AFF4: variants seen among roughly 807,000 people sequenced by gnomAD.
AFF4 encodes the protein AF4/FMR2 family member 4.
Under a neutral mutation model 124.8 loss-of-function variants are expected in AFF4, and 13 were observed. That is an observed-to-expected ratio of 0.10 (90% CI 0.07 to 0.17). The LOEUF is 0.17. Among genes scored for constraint, AFF4 ranks in the 10% least tolerant of loss-of-function variants. The pLI, the probability that AFF4 is intolerant of heterozygous loss-of-function variation, is 1.00. For synonymous variants in AFF4, 477 were observed against 496.1 expected, an observed-to-expected ratio of 0.96 and a Z score of 0.51; for missense variants, 1,092 against 1,403.8, an observed-to-expected ratio of 0.78 and a Z score of 3.55.
intron 5 of AFF4, among the ~76,000 whole-genome samples, chr5:132,919,717 G>C (rs946397817): frequency 6.6e-6 from 1 of 152,094 alleles, no homozygotes; most frequent in African/African-American, 2.4e-5. Context: ...GGGTGTGGTG[G>C]CATGCACTTG....
chr5:132,943,145 CTGG>C (rs1761614006), intron 1 of AFF4: 1 of 173,038 alleles, frequency 5.8e-6, no homozygotes, highest in Non-Finnish European at 1.3e-5. Context: ...ATTGTTGCAG[CTGG>C]TGAATTTGAA....
intron 11 of AFF4, among the ~76,000 whole-genome samples, chr5:132,895,471 A>C (rs1350973175): frequency 5.9e-5 from 9 of 152,182 alleles, no homozygotes; most frequent in Non-Finnish European, 1.5e-5. Flanking sequence ...TTGTGTTCTA[A>C]GTTTACTTAC....
rs530630775 is a variant in AFF4, at chr5:132,934,711, A to G, written c.354T>C (p.Ser118=). ...AGCCTGAGGACCGTTTCTGAGACTG[A>G]GAAGTGCTGGGTGCGGGTCCTACTG... The part of the protein sequence containing the change: ...WTPVGPAPST[S]QSQKRSSGLQ... The change falls in exon 3 of 21, where the codon TCT becomes TCC. Residue 118 remains serine, a synonymous_variant. Coordinates refer to ENST00000265343, the MANE Select transcript of AFF4 (RefSeq NM_014423.4). The G allele has an allele frequency of 1.2e-6, 2 of 1,614,078 alleles. No individual in the cohort carries two copies. The highest frequency in any genetic ancestry group is 3.3e-5 in the Admixed American group (2 of 60,018).
intron 5 of AFF4, chr5:132,926,277 G>A: frequency 2.3e-6 from 1 of 440,282 alleles, no homozygotes; most frequent in South Asian, 1.8e-5. Context: ...ATTATTAGGG[G>A]GACTGGTAAA....
In AFF4 at chr5:132,962,851, G is replaced by A. The variant is rs568267239; in HGVS notation, c.-5+408C>T. Among the ~76,000 whole-genome samples the A allele has an allele frequency of 4.2e-4, 63 of 150,772 alleles. 1 individual carries two copies. Among genetic ancestry groups the A allele is most frequent in the Non-Finnish European group, 5.6e-4 (38 of 67,730 alleles). ...GGTGGGGGTGTGGGAGAGGTGCGCA[G>A]GATCGCGAGAAGGAAAGCGAGAACT... On this transcript the variant is annotated intron_variant, in intron 1 of 20. Transcript: ENST00000265343.
chr5:132,923,985 G>A (rs1442348421), intron 5 of AFF4, among the ~76,000 whole-genome samples: 7 of 152,224 alleles, frequency 4.6e-5, no homozygotes, highest in Admixed American at 3.9e-4. Context: ...GCCAGGCGTG[G>A]TGGCTCACGC....
At chr5:132,940,899 T>G (rs905373178) in intron 1 of AFF4, among the ~76,000 whole-genome samples, 1 of 151,714 alleles carries the variant, frequency 6.6e-6, no homozygotes, top group African/African-American at 2.4e-5. Context: ...TGGTGGCAGG[T>G]GCCTGTAATC....
intron 20 of AFF4, 22 bp downstream of exon 20, chr5:132,883,318 G>T: frequency 6.2e-7 from 1 of 1,607,222 alleles, no homozygotes; most frequent in Non-Finnish European, 8.5e-7. Context: ...ATCCCTTGAA[G>T]TTTATCCAGA....
At chr5:132,908,919 T>C (rs1459169945) in intron 5 of AFF4, among the ~76,000 whole-genome samples, 1 of 150,996 alleles carries the variant, frequency 6.6e-6, no homozygotes, top group East Asian at 1.9e-4. Context: ...TACAGGCACC[T>C]GCCACCACGC....
intron 1 of AFF4, among the ~76,000 whole-genome samples, chr5:132,958,834 TCC>T (rs1234834895): frequency 4.6e-5 from 7 of 152,084 alleles, no homozygotes; most frequent in African/African-American, 1.7e-4. Flanking sequence ...CCAAAGCAAC[TCC>T]AGGCAGCCCT....
At chr5:132,963,223 G>T in intron 1 of AFF4, 36 bp downstream of exon 1, 1 of 389,016 alleles carries the variant, frequency 2.6e-6, no homozygotes, top group Non-Finnish European at 4.5e-6. Context: ...CCCGCGGCCC[G>T]GCCCGGCCCT....
intron 1 of AFF4, among the ~76,000 whole-genome samples, chr5:132,946,744 G>T (rs1761705667): frequency 6.6e-6 from 1 of 152,132 alleles, no homozygotes. Context: ...TGTACTTAAT[G>T]CCACTGAATT....
chr5:132,945,984 C>A (rs541310084), intron 1 of AFF4, among the ~76,000 whole-genome samples: 1 of 151,652 alleles, frequency 6.6e-6, no homozygotes, highest in Non-Finnish European at 1.5e-5. Flanking sequence ...TGCTTGAACC[C>A]GGGACGCGGA....
chr5:132,907,192 C>T (rs189013403), intron 5 of AFF4, among the ~76,000 whole-genome samples: 36 of 152,256 alleles, frequency 2.4e-4, no homozygotes, highest in African/African-American at 8.7e-4. Flanking sequence ...CTACAATGGC[C>T]TTCTAATGGA....
chr5:132,934,445 T>C lies in AFF4; in HGVS notation c.620A>G (p.His207Arg), dbSNP rs1761375588. The C allele has an allele frequency of 6.2e-7, 1 of 1,614,200 alleles. No homozygotes were observed. Among genetic ancestry groups the C allele is most frequent in the Non-Finnish European group, 8.5e-7 (1 of 1,180,038 alleles). ...SHGNDHHSKE[H>R]QRSKSPRDPD... Reference sequence around the variant, plus strand: ...GTCCCGAGGTGATTTGGAGCGTTGATGTTCCTTGCTATGGTGATCATTCCC... The same window carrying C: ...GTCCCGAGGTGATTTGGAGCGTTGACGTTCCTTGCTATGGTGATCATTCCC... Residue 207 changes from histidine (H) to arginine (R), a missense_variant, in exon 3 of 21, where the codon CAT (histidine) becomes CGT (arginine). His to Arg is a conservative substitution (Grantham distance 29). Transcript: ENST00000265343.
rs62385346 is a variant in AFF4, at chr5:132,939,004, G to A, written c.-4-1811C>T. 6.2e-3 allele frequency among the ~76,000 whole-genome samples: 829 copies of A among 133,248 alleles called. 3 individuals are homozygous for A. Among genetic ancestry groups the A allele is most frequent in the Non-Finnish European group, 8.9e-3 (573 of 64,372 alleles). 87.4% of individuals were successfully genotyped at this position (133,248 alleles called of 152,430 possible). On this transcript the variant is annotated intron_variant, in intron 1 of 20. Transcript: ENST00000265343. Reference sequence around the variant, plus strand: ...AGAAAAAAAAAAAAAAAAGGGACCCGAGGTGGGAGGATCGCTTGACCTGCC... The same window carrying A: ...AGAAAAAAAAAAAAAAAAGGGACCCAAGGTGGGAGGATCGCTTGACCTGCC...
Position 132,886,000 on chromosome 5 carries a change from T to C in AFF4, c.3099+310A>G, listed in dbSNP as rs547023724. Among the ~76,000 whole-genome samples, 3 of 152,168 alleles carry C rather than the reference T, an allele frequency of 2.0e-5. No individual in the cohort carries two copies. The South Asian group carries it at 6.2e-4, about 32-fold the overall frequency. ...TGTTGGCCAAGATGGTCTCAATCTC[T>C]TGACCTCGTGATCTGCCTGCCTCAG... On this transcript the variant is annotated intron_variant, in intron 18 of 20. Coordinates refer to ENST00000265343, the MANE Select transcript of AFF4 (RefSeq NM_014423.4).
At chr5:132,958,882 T>C (rs1388532203) in intron 1 of AFF4, among the ~76,000 whole-genome samples, 1 of 152,220 alleles carries the variant, frequency 6.6e-6, no homozygotes, top group African/African-American at 2.4e-5. Flanking sequence ...CAAACCATAC[T>C]GGCTTTCCAG....
At chr5:132,915,574 T>G (rs1226468661) in intron 5 of AFF4, among the ~76,000 whole-genome samples, 5 of 147,462 alleles carry the variant, frequency 3.4e-5, no homozygotes, top group Non-Finnish European at 6.0e-5. Context: ...TTGGGTTTTT[T>G]TTTTTTTTTT....
Sources: gnomAD v4.1 joint callset for allele counts (sites outside exome capture counted in the v4.1 genomes callset) on GRCh38, gnomAD v4.1.1 for gene constraint, MANE v1.5 for transcripts, NCBI Gene and HGNC (gene_info 2026-07-23, HGNC 2026-07-21) for gene names.